Variants in F13A1 observed in about 807,000 individuals in gnomAD.
The protein encoded by F13A1 is coagulation factor XIII A chain.
A neutral mutation model predicts 80.1 loss-of-function variants in F13A1; 47 were observed. The observed-to-expected ratio is 0.59, with a 90% CI of 0.46 to 0.75. The LOEUF (loss-of-function observed/expected upper bound fraction) is 0.75, where lower values mean the gene tolerates loss of function less well. Among genes scored for constraint, F13A1 ranks in the 30% least tolerant of loss-of-function variants. The probability of loss-of-function intolerance (pLI) is 0.00; values close to 1 mark genes in which losing one functional copy is unlikely to be tolerated. For missense variants in F13A1, 817 were observed against 930.4 expected, an observed-to-expected ratio of 0.88 and a Z score of 1.59; for synonymous variants, 349 against 344.9, an observed-to-expected ratio of 1.01 and a Z score of -0.13.
chr6:6,298,003 G>C (rs957790596), intron 3 of F13A1, among the ~76,000 whole-genome samples: 4 of 150,642 alleles, frequency 2.7e-5, no homozygotes, highest in Admixed American at 1.3e-4. Flanking sequence ...ATTTCATTAT[G>C]TATCCAGTAG....
intron 8 of F13A1, among the ~76,000 whole-genome samples, chr6:6,209,353 T>G (rs1583072507): frequency 6.7e-6 from 1 of 148,616 alleles, no homozygotes; most frequent in Non-Finnish European, 1.5e-5. Context: ...AAAATAAAAG[T>G]TATTTGCAAG....
At chr6:6,156,326 A>C (rs377446923) in intron 13 of F13A1, among the ~76,000 whole-genome samples, 16 of 152,352 alleles carry the variant, frequency 1.1e-4, no homozygotes, top group African/African-American at 3.8e-4. Context: ...TCTCTTATAT[A>C]AACTTTTTGG....
At chr6:6,320,258 G>A (rs1366219779) in intron 1 of F13A1, among the ~76,000 whole-genome samples, 3 of 152,198 alleles carry the variant, frequency 2.0e-5, no homozygotes, top group Admixed American at 2.0e-4. Context: ...TCCACCTTTT[G>A]TGTTCCAGCT....
chr6:6,205,433 C>T (rs1270294620), intron 8 of F13A1, among the ~76,000 whole-genome samples: 1 of 152,184 alleles, frequency 6.6e-6, no homozygotes, highest in Non-Finnish European at 1.5e-5. Flanking sequence ...GGCATCCTGG[C>T]TAGATACCAG....
intron 6 of F13A1, among the ~76,000 whole-genome samples, chr6:6,230,512 G>A (rs1282829264): frequency 4.6e-5 from 7 of 152,122 alleles, no homozygotes; most frequent in African/African-American, 1.7e-4. Context: ...TACCTACCCT[G>A]CTAGTGGAAG....
At chr6:6,157,087 G>A (rs570394122) in intron 13 of F13A1, among the ~76,000 whole-genome samples, 2 of 152,310 alleles carry the variant, frequency 1.3e-5, no homozygotes, top group East Asian at 1.9e-4. Context: ...GGCCATAGCC[G>A]TTGCTCAGCA....
At chr6:6,211,806 G>A (rs1393310175) in intron 8 of F13A1, among the ~76,000 whole-genome samples, 1 of 152,254 alleles carries the variant, frequency 6.6e-6, no homozygotes, top group East Asian at 1.9e-4. Flanking sequence ...AGTGGGCGCA[G>A]GTTAGTGGGT....
intron 6 of F13A1, among the ~76,000 whole-genome samples, chr6:6,241,501 T>C (rs1304231706): frequency 3.3e-5 from 5 of 152,286 alleles, no homozygotes; most frequent in African/African-American, 1.2e-4. Context: ...ATGATTTGTT[T>C]TGATAGATGA....
chr6:6,212,029 T>C lies in F13A1; in HGVS notation c.1112+10004A>G, dbSNP rs190813735. On this transcript the variant is annotated intron_variant, in intron 8 of 14. Transcript: ENST00000264870. ...CCCGCACCTGGCTCGGAGGGTCCTA[T>C]GCCCACGGAGTCTCGCTGATTGCTA... Among the ~76,000 whole-genome samples, 24 of 152,318 alleles carry C rather than the reference T, an allele frequency of 1.6e-4. No individual in the cohort carries two copies. The East Asian group carries it at 2.9e-3, about 18-fold the overall frequency.
Position 6,186,066 on chromosome 6 carries a change from GTTGT to G in F13A1, c.1306-3929_1306-3926del, listed in dbSNP as rs1322037916. Among the ~76,000 whole-genome samples the G allele has an allele frequency of 7.9e-5, 12 of 151,254 alleles. 1 individual carries two copies. Among genetic ancestry groups the G allele is most frequent in the Admixed American group, 2.0e-4 (3 of 15,160 alleles). ...TGTCCTTCACCCACTTTTTGATGGG[GTTGT>G]TTGTTTTTTTCTTGTAAATTTGTTT... On this transcript the variant is annotated intron_variant, in intron 10 of 14. Transcript: ENST00000264870.
At chr6:6,297,859 T>A (rs888519558) in intron 3 of F13A1, among the ~76,000 whole-genome samples, 5 of 150,362 alleles carry the variant, frequency 3.3e-5, no homozygotes, top group African/African-American at 1.3e-4. Flanking sequence ...ATTTTGGATC[T>A]TTCCTGCTTT....
At chr6:6,295,821 A>G (rs1758316681) in intron 3 of F13A1, among the ~76,000 whole-genome samples, 1 of 135,252 alleles carries the variant, frequency 7.4e-6, no homozygotes, top group Non-Finnish European at 1.5e-5. Flanking sequence ...GTCCTTGCCC[A>G]TGCCTATGTC....
chr6:6,145,289 C>T lies in F13A1; in HGVS notation c.*330G>A, dbSNP rs1253468950. ...GAGGCCAGGTATTGAGCAAATCTCC[C>T]TGGTAAGAGAGCCCACTGATATTTG... On this transcript the variant is annotated 3_prime_UTR_variant, in exon 15 of 15. Transcript: ENST00000264870. 2 of 360,572 alleles carry T rather than the reference C, an allele frequency of 5.5e-6. No individual in the cohort carries two copies. Among genetic ancestry groups the T allele is most frequent in the Admixed American group, 3.9e-5 (1 of 25,774 alleles). The allele number at this position is 360,572 out of a possible 1,614,324, so 22.3% of individuals were successfully genotyped here.
rs1173980709 is a variant in F13A1, at chr6:6,161,565, A to T, written c.1908+5893T>A. On this transcript the variant is annotated intron_variant, in intron 13 of 14. Coordinates refer to ENST00000264870, the MANE Select transcript of F13A1 (RefSeq NM_000129.4). ...GTGTGTGTGTGTGAGAGAGAGAGAG[A>T]GAGAGAGAGAGAGAACAAGCAACAC... Among the ~76,000 whole-genome samples, 24 of 129,754 alleles carry T rather than the reference A, an allele frequency of 1.8e-4. 1 individual carries two copies. Among genetic ancestry groups the T allele is most frequent in the African/African-American group, 6.8e-4 (21 of 30,708 alleles). The allele number at this position is 129,754 out of a possible 152,430, so 85.1% of individuals were successfully genotyped here.
At chr6:6,234,701 A>AT (rs1461260280) in intron 6 of F13A1, among the ~76,000 whole-genome samples, 1 of 152,004 alleles carries the variant, frequency 6.6e-6, no homozygotes, top group African/African-American at 2.4e-5. Context: ...AAAGTACATA[A>AT]TTACTTTATT....
Position 6,174,879 on chromosome 6 carries a change from C to T in F13A1, c.1460-12G>A. The stretch of plus-strand genomic sequence containing the variant: ...CTCTTCTTCTTGACCTGGGGGAGAT[C>T]CAGAGATAATGACAGGCAAAAATAC... On this transcript the variant is annotated splice_polypyrimidine_tract_variant and intron_variant, in intron 11 of 14. Coordinates refer to ENST00000264870, the MANE Select transcript of F13A1 (RefSeq NM_000129.4). 2 of 1,614,034 alleles carry T rather than the reference C, an allele frequency of 1.2e-6. No individual in the cohort carries two copies. Among genetic ancestry groups the T allele is most frequent in the Admixed American group, 3.3e-5 (2 of 60,016 alleles).
At chr6:6,320,557 G>C in intron 1 of F13A1, 30 bp downstream of exon 1, 1 of 442,670 alleles carries the variant, frequency 2.3e-6, no homozygotes, top group South Asian at 1.7e-5. Flanking sequence ...AGCGGGCCCT[G>C]GCTCATAGGG....
rs533954944 is a variant in F13A1 at position 6,157,887 on chromosome 6, G to C, written c.1909-5938C>G. Reference sequence around the variant, plus strand: ...TATGTTTTAGGTACCGCAGTTACCAGTGACTCCTCATTTTCATTCTAAAAT... The same window carrying C: ...TATGTTTTAGGTACCGCAGTTACCACTGACTCCTCATTTTCATTCTAAAAT... On this transcript the variant is annotated intron_variant, in intron 13 of 14. Coordinates refer to ENST00000264870, the MANE Select transcript of F13A1 (RefSeq NM_000129.4). Among the ~76,000 whole-genome samples the C allele has an allele frequency of 1.1e-4, 16 of 152,292 alleles. No homozygotes were observed. In the South Asian group the frequency reaches 3.3e-3, roughly 32 times the overall value.
chr6:6,279,741 A>G (rs1279556386), intron 3 of F13A1, among the ~76,000 whole-genome samples: 2 of 152,328 alleles, frequency 1.3e-5, no homozygotes, highest in South Asian at 2.1e-4. Context: ...CATCCATTAT[A>G]TGAGCAGAAT....
Sources: allele counts gnomAD v4.1 joint callset (sites outside exome capture counted in the v4.1 genomes callset), GRCh38; gene constraint gnomAD v4.1.1; transcripts MANE v1.5; gene names NCBI Gene and HGNC (gene_info 2026-07-23, HGNC 2026-07-21).